The following TRAF6 variants were observed in gnomAD, a reference collection of about 807,000 sequenced individuals.
The protein encoded by TRAF6 is TNF receptor associated factor 6.
Under a neutral mutation model 48.4 loss-of-function variants are expected in TRAF6, and 10 were observed. The observed-to-expected ratio is 0.21, with a 90% CI of 0.13 to 0.35. TRAF6 has a LOEUF of 0.35. Among genes scored for constraint, TRAF6 ranks in the 10% least tolerant of loss-of-function variants. TRAF6 has a pLI of 1.00. For synonymous variants in TRAF6, 186 were observed against 219.6 expected (o/e 0.85, Z 1.35); for missense variants, 397 against 661.0 (o/e 0.60, Z 4.38).
intron 1 of TRAF6, among the ~76,000 whole-genome samples, chr11:36,503,886 C>A (rs1421123828): frequency 6.6e-6 from 1 of 152,140 alleles, no homozygotes; most frequent in African/African-American, 2.4e-5. Flanking sequence ...AGTTCCAAAC[C>A]ACCGCAATAA....
chr11:36,492,671 T>C (rs1859579782), intron 5 of TRAF6, 43 bp from the exon 6 acceptor site: 7 of 1,449,354 alleles, frequency 4.8e-6, no homozygotes, highest in Non-Finnish European at 6.7e-6. Context: ...TCCTTGCATA[T>C]CATTTTCTAG....
At chr11:36,505,063 T>C (rs1859766869) in intron 1 of TRAF6, among the ~76,000 whole-genome samples, 1 of 152,206 alleles carries the variant, frequency 6.6e-6, no homozygotes, top group Non-Finnish European at 1.5e-5. Context: ...GTAGATTTAG[T>C]ATAATTATTA....
At position 36,501,495 on chromosome 11, in the gene TRAF6, T is replaced by C. The variant is rs774079183; in HGVS notation, c.21A>G (p.Glu7=). MSLLNC[E]NSCGSSQSES... is the part of the protein sequence containing the mutation. ...CAGACTGGCTGGATCCACAGCTGTT[T>C]TCACAGTTTAGCAGACTCATAGTAA... Residue 7 remains glutamate (E), a synonymous_variant, in exon 2 of 7, where the codon GAA becomes GAG. Coordinates refer to ENST00000526995, the MANE Select transcript of TRAF6 (RefSeq NM_004620.4). 1.4e-5 allele frequency: 23 copies of C among 1,609,654 alleles called. No homozygotes were observed. The highest frequency in any genetic ancestry group is 1.8e-5 in the Non-Finnish European group (21 of 1,176,686).
Position 36,494,230 on chromosome 11 carries a change from C to T in TRAF6, c.678+746G>A, listed in dbSNP as rs539259836. Among the ~76,000 whole-genome samples, 6 of 152,054 alleles carry T rather than the reference C, an allele frequency of 3.9e-5. No individual in the cohort carries two copies. In the South Asian group the frequency reaches 8.3e-4, roughly 21 times the overall value. ...AAATCTAAAAAAATAAAAAATTAGC[C>T]GGGCATGGTGGTGCACGCCCGTAGT... is the stretch of plus-strand genomic sequence containing the variant. On this transcript the variant is annotated intron_variant, in intron 5 of 6. Coordinates refer to ENST00000526995, the MANE Select transcript of TRAF6 (RefSeq NM_004620.4).
intron 2 of TRAF6, 114 bp from the exon 3 acceptor site, chr11:36,498,754 T>C (rs1052302171): frequency 8.8e-7 from 1 of 1,131,554 alleles, no homozygotes; most frequent in Non-Finnish European, 1.2e-6. Flanking sequence ...GTAAAAACAA[T>C]TTAACATATT....
At position 36,495,053 on chromosome 11, in the gene TRAF6, T is replaced by G; in HGVS notation, c.607-6A>C. ...GGACAGTTCTGGTCATGGATCTGAA[T>G]TTTATTAGAGAAATATAATTAAAGC... On this transcript the variant is annotated splice_region_variant and splice_polypyrimidine_tract_variant and intron_variant, in intron 4 of 6. Transcript: ENST00000526995. 6.3e-7 allele frequency: 1 copy of G among 1,592,202 alleles called. No homozygotes were observed. Among genetic ancestry groups the G allele is most frequent in the Non-Finnish European group, 8.6e-7 (1 of 1,162,178 alleles).
chr11:36,493,945 C>T (rs185233268), intron 5 of TRAF6, among the ~76,000 whole-genome samples: 2 of 152,300 alleles, frequency 1.3e-5, no homozygotes, highest in African/African-American at 4.8e-5. Flanking sequence ...CAATAATGAT[C>T]TCTGGGTTTA....
At chr11:36,508,569 G>C (rs569562419) in intron 1 of TRAF6, among the ~76,000 whole-genome samples, 2 of 152,152 alleles carry the variant, frequency 1.3e-5, no homozygotes, top group South Asian at 2.1e-4. Flanking sequence ...TCTTAAATGA[G>C]TCAATTTTAA....
chr11:36,497,148 C>A lies in TRAF6; in HGVS notation c.566G>T (p.Cys189Phe). 2 of 1,613,908 alleles carry A rather than the reference C, an allele frequency of 1.2e-6. No homozygotes were observed. The highest frequency in any genetic ancestry group is 1.7e-6 in the Non-Finnish European group (2 of 1,179,956). ...LKDCPRRQVS[C>F]DNCAASMAFE... ...TGCCATTGATGCAGCACAGTTGTCA[C>A]AAGAAACCTGTCTCCTTGGACAATC... Residue 189 changes from cysteine to phenylalanine, a missense_variant, in exon 4 of 7, where the codon TGT becomes TTT. Coordinates refer to ENST00000526995, the MANE Select transcript of TRAF6 (RefSeq NM_004620.4).
Position 36,489,677 on chromosome 11 carries a change from A to T in TRAF6, c.*161T>A, listed in dbSNP as rs778820973. The T allele has an allele frequency of 1.0e-4, 88 of 845,230 alleles. No homozygotes were observed. The highest frequency in any genetic ancestry group is 1.6e-4 in the Non-Finnish European group (85 of 542,240). The allele number at this position is 845,230 out of a possible 1,614,324, so 52.4% of individuals were successfully genotyped here. On this transcript the variant is annotated 3_prime_UTR_variant, in exon 7 of 7. Coordinates refer to ENST00000526995, the MANE Select transcript of TRAF6 (RefSeq NM_004620.4). The stretch of plus-strand genomic sequence containing the variant: ...GATTCCCAGGAAAAAACTGCCTCAG[A>T]TCATTTGTAACAGGAAGAAATAGTA...
Position 36,487,954 on chromosome 11 carries a change from A to C in TRAF6, c.*1884T>G, listed in dbSNP as rs985254702. The stretch of plus-strand genomic sequence containing the variant: ...TATTGTAGAAAATGTAAAAAATATA[A>C]GCAAGCGCAAAGGAAAATAAGCCAA... On this transcript the variant is annotated 3_prime_UTR_variant, in exon 7 of 7. Coordinates refer to ENST00000526995, the MANE Select transcript of TRAF6 (RefSeq NM_004620.4). The C allele has an allele frequency of 5.9e-5, 9 of 152,246 alleles. No homozygotes were observed. The highest frequency in any genetic ancestry group is 2.2e-4 in the African/African-American group (9 of 41,468). 9.4% of individuals were successfully genotyped at this position (152,246 alleles called of 1,614,324 possible). A position where few individuals can be genotyped will look rare whatever the true frequency, so the allele number is the denominator to read the frequency against.
At chr11:36,496,496 C>G (rs975932328) in intron 4 of TRAF6, 1 of 152,182 alleles carries the variant, frequency 6.6e-6, no homozygotes, top group African/African-American at 2.4e-5. Flanking sequence ...AGGAGAATCG[C>G]TTGAACCCAG....
At chr11:36,508,886 T>A (rs1271793813) in intron 1 of TRAF6, among the ~76,000 whole-genome samples, 1 of 152,168 alleles carries the variant, frequency 6.6e-6, no homozygotes, top group Non-Finnish European at 1.5e-5. Context: ...GTCCAAAAGT[T>A]TACCGGCATC....
At chr11:36,506,294 T>C (rs1340445842) in intron 1 of TRAF6, among the ~76,000 whole-genome samples, 2 of 152,206 alleles carry the variant, frequency 1.3e-5, no homozygotes, top group African/African-American at 2.4e-5. Context: ...AGCTTTCTGA[T>C]AGATAATGCT....
At chr11:36,491,152 A>AG (rs1859557887) in intron 6 of TRAF6, among the ~76,000 whole-genome samples, 1 of 151,676 alleles carries the variant, frequency 6.6e-6, no homozygotes, top group Admixed American at 6.6e-5. Flanking sequence ...TATTAATACC[A>AG]TTTTTTTTAA....
intron 2 of TRAF6, 112 bp from the exon 3 acceptor site, chr11:36,498,752 A>G (rs1859675986): frequency 8.8e-7 from 1 of 1,141,778 alleles, no homozygotes; most frequent in African/African-American, 1.6e-5. Flanking sequence ...AAGTAAAAAC[A>G]ATTTAACATA....
At position 36,487,009 on chromosome 11, in the gene TRAF6, T is replaced by A. The variant is rs1845465945; in HGVS notation, c.*2829A>T. The A allele has an allele frequency of 1.3e-5, 2 of 152,142 alleles. No individual in the cohort carries two copies. The highest frequency in any genetic ancestry group is 4.8e-5 in the African/African-American group (2 of 41,238). 9.4% of individuals were successfully genotyped at this position (152,142 alleles called of 1,614,324 possible). ...GGGAGGCTGAGGCAGGAGAATGGCT[T>A]GAGCCCGGGAGGTGGAGGTTGCAGT... On this transcript the variant is annotated 3_prime_UTR_variant, in exon 7 of 7. Coordinates refer to ENST00000526995, the MANE Select transcript of TRAF6 (RefSeq NM_004620.4).
At chr11:36,498,457 C>T (rs1440983891) in intron 3 of TRAF6, 33 bp downstream of exon 3, 1 of 1,586,266 alleles carries the variant, frequency 6.3e-7, no homozygotes, top group Non-Finnish European at 8.6e-7. Flanking sequence ...TCCTTTTATA[C>T]ATGTGCTAAC....
At chr11:36,505,366 C>A (rs545297638) in intron 1 of TRAF6, among the ~76,000 whole-genome samples, 1 of 152,214 alleles carries the variant, frequency 6.6e-6, no homozygotes, top group Non-Finnish European at 1.5e-5. Context: ...TCATCTTGCA[C>A]TTTTATGTTA....
Sources: gnomAD v4.1 joint callset for allele counts (sites outside exome capture counted in the v4.1 genomes callset) on GRCh38, gnomAD v4.1.1 for gene constraint, MANE v1.5 for transcripts, NCBI Gene and HGNC (gene_info 2026-07-23, HGNC 2026-07-21) for gene names.